DISP1: variants seen among roughly 807,000 people sequenced by gnomAD.
The protein encoded by DISP1 is dispatched RND transporter family member 1, also known as protein dispatched homolog 1.
DISP1 carries 30 observed loss-of-function variants against 37.3 expected under a neutral mutation model. That is an observed-to-expected ratio of 0.80 (90% CI 0.60 to 1.09). The LOEUF (loss-of-function observed/expected upper bound fraction) is 1.09. DISP1 is among the 50% of genes least tolerant of loss of function. DISP1 has a pLI of 0.00. For synonymous variants in DISP1, 634 were observed against 690.2 expected (o/e 0.92, Z 1.28); for missense variants, 1,598 against 1,879.5 (o/e 0.85, Z 2.77).
intron 1 of DISP1, among the ~76,000 whole-genome samples, chr1:222,896,427 C>T (rs2125396696): frequency 6.6e-6 from 1 of 152,058 alleles, no homozygotes; most frequent in Admixed American, 6.5e-5. Context: ...ATGTTGAAGC[C>T]CCGTCTGTAC....
At chr1:222,985,524 C>A (rs534606003) in intron 4 of DISP1, among the ~76,000 whole-genome samples, 1 of 152,240 alleles carries the variant, frequency 6.6e-6, no homozygotes, top group African/African-American at 2.4e-5. Context: ...GTGGCGGGTG[C>A]CTGGAATCCC....
intron 1 of DISP1, among the ~76,000 whole-genome samples, chr1:222,916,112 C>T (rs1408203596): frequency 6.6e-6 from 1 of 152,200 alleles, no homozygotes; most frequent in Non-Finnish European, 1.5e-5. Context: ...GTACCTGGAA[C>T]AGGTTAACCT....
chr1:222,935,708 G>T (rs1407631589), intron 2 of DISP1, among the ~76,000 whole-genome samples: 1 of 152,154 alleles, frequency 6.6e-6, no homozygotes, highest in Non-Finnish European at 1.5e-5. Flanking sequence ...TTTGCTAAGT[G>T]GTTACTGTGG....
intron 2 of DISP1, among the ~76,000 whole-genome samples, chr1:222,941,741 C>A (rs927929680): frequency 6.6e-6 from 1 of 152,078 alleles, no homozygotes; most frequent in Non-Finnish European, 1.5e-5. Context: ...CTTCTGATTA[C>A]CTGTGTGTCT....
At chr1:222,952,309 T>C (rs1675280278) in intron 3 of DISP1, among the ~76,000 whole-genome samples, 1 of 152,198 alleles carries the variant, frequency 6.6e-6, no homozygotes, top group Non-Finnish European at 1.5e-5. Flanking sequence ...ACAGCACAGA[T>C]GGAAAACGTT....
chr1:222,852,670 G>A (rs1174685483), intron 1 of DISP1, among the ~76,000 whole-genome samples: 1 of 152,140 alleles, frequency 6.6e-6, no homozygotes, highest in Non-Finnish European at 1.5e-5. Flanking sequence ...TTTGAAAATA[G>A]CACTGCTTTA....
intron 1 of DISP1, among the ~76,000 whole-genome samples, chr1:222,832,159 T>A (rs1378511784): frequency 6.6e-6 from 1 of 151,934 alleles, no homozygotes; most frequent in Non-Finnish European, 1.5e-5. Flanking sequence ...TAATCCCAGC[T>A]ACTTGGGAGG....
At chr1:222,878,873 T>G (rs931508254) in intron 1 of DISP1, among the ~76,000 whole-genome samples, 1 of 152,202 alleles carries the variant, frequency 6.6e-6, no homozygotes, top group African/African-American at 2.4e-5. Flanking sequence ...GGAAATTAAT[T>G]AAAAATTAAT....
At chr1:222,864,776 C>A (rs1218775341) in intron 1 of DISP1, among the ~76,000 whole-genome samples, 1 of 152,042 alleles carries the variant, frequency 6.6e-6, no homozygotes, top group Non-Finnish European at 1.5e-5. Context: ...TGCTGCCAGG[C>A]AAAAAGAATT....
At chr1:222,875,653 C>CT (rs1669922135) in intron 1 of DISP1, among the ~76,000 whole-genome samples, 1 of 33,936 alleles carries the variant, frequency 2.9e-5, no homozygotes, top group East Asian at 7.1e-4. Context: ...CCTGTCTCTA[C>CT]TAAAAAAAAA....
chr1:223,005,963 A>C lies in DISP1; in HGVS notation c.4566A>C (p.Lys1522Asn). 1 of 1,612,694 alleles carries C rather than the reference A, an allele frequency of 6.2e-7. No homozygotes were observed. Among genetic ancestry groups the C allele is most frequent in the Non-Finnish European group, 8.5e-7 (1 of 1,179,190 alleles). The change falls in exon 9 of 9, where the codon AAA becomes AAC. Residue 1522 changes from lysine (K) to asparagine (N), a missense_variant. Coordinates refer to ENST00000675850, the MANE Select transcript of DISP1 (RefSeq NM_001377229.1). ...TTTCTGGTGAAAGTTTGTTAATAAA[A>C]ACACTATAATAAATGCAGCATTCAA... is the stretch of plus-strand genomic sequence containing the variant. ...SELSGESLLI[K>N]TL
rs1025655327 is a variant in DISP1 at position 222,893,427 on chromosome 1, T to C, written c.-158-35003T>C. ...CCCACTCGACCTGGCAGGCTGTGCT[T>C]GGCTCATGCTACCGGCCCGGATCCC... On this transcript the variant is annotated intron_variant, in intron 1 of 8. Transcript: ENST00000675850. The surrounding 1 kb of genome is among the most constrained non-coding windows in gnomAD (Gnocchi z 4.3). 2.6e-5 allele frequency among the ~76,000 whole-genome samples: 4 copies of C among 152,202 alleles called. No individual in the cohort carries two copies. Among genetic ancestry groups the C allele is most frequent in the Non-Finnish European group, 5.9e-5 (4 of 68,030 alleles).
At chr1:222,874,863 C>G (rs904315437) in intron 1 of DISP1, among the ~76,000 whole-genome samples, 2 of 152,038 alleles carry the variant, frequency 1.3e-5, no homozygotes, top group Non-Finnish European at 1.5e-5. Context: ...TGTTTTTCTC[C>G]TCTGTTTTTT....
chr1:222,983,488 G>A (rs992004373), intron 4 of DISP1, among the ~76,000 whole-genome samples: 6 of 152,104 alleles, frequency 3.9e-5, no homozygotes, highest in South Asian at 2.1e-4. Flanking sequence ...GTGGAGGCAC[G>A]TGCCTTTAGT....
rs1399418551 is a variant in DISP1 at position 223,004,569 on chromosome 1, G to A, written c.3172G>A (p.Val1058Ile). 14 of 1,614,058 alleles carry A rather than the reference G, an allele frequency of 8.7e-6. No individual in the cohort carries two copies. The highest frequency in any genetic ancestry group is 1.6e-4 in the Middle Eastern group (1 of 6,084). Reference sequence around the variant, plus strand: ...TGTAGACTTTGCCGTCCATTATGGGGTTGCCTACCGCTTGGCTCCAGATCC... The same window carrying A: ...TGTAGACTTTGCCGTCCATTATGGGATTGCCTACCGCTTGGCTCCAGATCC... The part of the protein sequence containing the change: ...LSVDFAVHYG[V>I]AYRLAPDPDR... Residue 1058 changes from valine (V) to isoleucine (I), a missense_variant, in exon 9 of 9, where the codon GTT becomes ATT. By Grantham distance (29) the Val-to-Ile change is conservative. Transcript: ENST00000675850. This position sits in a 1 kb window ranked among gnomAD's most constrained non-coding sequence, Gnocchi z 4.9.
At chr1:222,955,456 G>A (rs1200435699) in intron 3 of DISP1, among the ~76,000 whole-genome samples, 1 of 152,170 alleles carries the variant, frequency 6.6e-6, no homozygotes, top group Non-Finnish European at 1.5e-5. Flanking sequence ...TTACAGTGGT[G>A]CAGAAGCAAT....
In DISP1 at chr1:223,003,699, T is replaced by C. The variant is rs770065834; in HGVS notation, c.2302T>C (p.Tyr768His). Residue 768 changes from tyrosine to histidine, a missense_variant, in exon 9 of 9, where the codon TAC becomes CAC. Physicochemically the swap from Tyr to His is moderately conservative, Grantham distance 83. Transcript: ENST00000675850. The surrounding 1 kb of genome is among the most constrained non-coding windows in gnomAD (Gnocchi z 4.3). Reference sequence around the variant, plus strand: ...TCCTTTTGAGCGTTATGATGCTGAATACAAAAAGCTTTTCATGTTTGAACG... The same window carrying C: ...TCCTTTTGAGCGTTATGATGCTGAACACAAAAAGCTTTTCATGTTTGAACG... Reference protein sequence around the residue: ...SHPFERYDAEYKKLFMFERVH... With the variant: ...SHPFERYDAEHKKLFMFERVH... The C allele has an allele frequency of 5.6e-6, 9 of 1,614,002 alleles. No individual in the cohort carries two copies. The highest frequency in any genetic ancestry group is 5.0e-5 in the Admixed American group (3 of 59,996).
At chr1:222,898,280 A>AT (rs930918041) in intron 1 of DISP1, among the ~76,000 whole-genome samples, 2 of 151,802 alleles carry the variant, frequency 1.3e-5, no homozygotes, top group African/African-American at 4.8e-5. Flanking sequence ...GGTAAATAGA[A>AT]TTTTTTTTTA....
intron 1 of DISP1, among the ~76,000 whole-genome samples, chr1:222,824,409 C>T (rs1572154981): frequency 6.6e-6 from 1 of 150,796 alleles, no homozygotes; most frequent in South Asian, 2.1e-4. Flanking sequence ...AATGGTGGAG[C>T]TTATTTTAAA....
Sources: gnomAD v4.1 joint callset for allele counts (sites outside exome capture counted in the v4.1 genomes callset) on GRCh38, gnomAD v4.1.1 for gene constraint, Gnocchi (gnomAD v3.1) non-coding constraint, MANE v1.5 for transcripts, NCBI Gene and HGNC (gene_info 2026-07-23, HGNC 2026-07-21) for gene names.